CPNE4: variants seen among roughly 807,000 people sequenced by gnomAD.
CPNE4 encodes copine-4.
Under a neutral mutation model 67.9 loss-of-function variants are expected in CPNE4, and 25 were observed. The observed-to-expected ratio is 0.37, with a 90% CI of 0.27 to 0.51. The LOEUF (loss-of-function observed/expected upper bound fraction) is 0.51, where lower values mean the gene tolerates loss of function less well. Ranked by LOEUF, CPNE4 falls within the 20% of genes least tolerant of loss-of-function variation. The pLI, the probability that CPNE4 is intolerant of heterozygous loss-of-function variation, is 0.93. For missense variants in CPNE4, 464 were observed against 690.8 expected (o/e 0.67, Z 3.68); for synonymous variants, 242 against 244.9 (o/e 0.99, Z 0.11).
intron 1 of CPNE4, among the ~76,000 whole-genome samples, chr3:131,922,493 G>A (rs1348124567): frequency 6.6e-6 from 1 of 152,150 alleles, no homozygotes; most frequent in African/African-American, 2.4e-5. Flanking sequence ...AATTTGGAGA[G>A]GCTAAGAAAA....
chr3:131,872,942 C>T (rs1050423297), intron 2 of CPNE4, among the ~76,000 whole-genome samples: 1 of 150,898 alleles, frequency 6.6e-6, no homozygotes, highest in Non-Finnish European at 1.5e-5. Context: ...CCTTTATGTG[C>T]CCTGTCTTAA....
At chr3:131,615,944 C>G (rs1030706971) in intron 7 of CPNE4, among the ~76,000 whole-genome samples, 1 of 135,164 alleles carries the variant, frequency 7.4e-6, no homozygotes, top group Non-Finnish European at 1.6e-5. Flanking sequence ...CACACACACA[C>G]ACACACAAAA....
At chr3:131,784,340 G>A (rs569504723) in intron 2 of CPNE4, among the ~76,000 whole-genome samples, 1 of 151,994 alleles carries the variant, frequency 6.6e-6, no homozygotes, top group African/African-American at 2.4e-5. Context: ...TCCTGCACTG[G>A]TACCTAATAT....
In CPNE4 at chr3:131,751,771, T is replaced by TTG. The variant is rs540786665; in HGVS notation, c.181-28147_181-28146insCA. On this transcript the variant is annotated intron_variant, in intron 2 of 15. Coordinates refer to ENST00000429747, the MANE Select transcript of CPNE4 (RefSeq NM_130808.3). ...TAAATCTTCTGTTTAGCTGTTTTTT[T>TTG]TTTGTTTTTTTGTTTGTTTGTTTGT... Among the ~76,000 whole-genome samples, 183 of 136,692 alleles carry TTG rather than the reference T, an allele frequency of 1.3e-3. 1 individual carries two copies. The highest frequency in any genetic ancestry group is 3.9e-3 in the East Asian group (18 of 4,580). The allele number at this position is 136,692 out of a possible 152,430, so 89.7% of individuals were successfully genotyped here.
chr3:132,028,178 C>T (rs912614918), intron 1 of CPNE4, among the ~76,000 whole-genome samples: 2 of 152,188 alleles, frequency 1.3e-5, no homozygotes, highest in African/African-American at 4.8e-5. Flanking sequence ...GATGCCACCC[C>T]CTCCACTTCT....
chr3:131,692,810 T>G (rs547448691), intron 5 of CPNE4, among the ~76,000 whole-genome samples: 11 of 152,198 alleles, frequency 7.2e-5, no homozygotes, highest in Non-Finnish European at 1.3e-4. Context: ...CTATTACATA[T>G]GTGGAGACCA....
chr3:131,754,495 T>C (rs2082707910), intron 2 of CPNE4, among the ~76,000 whole-genome samples: 1 of 152,154 alleles, frequency 6.6e-6, no homozygotes, highest in African/African-American at 2.4e-5. Context: ...GTTAAAAATA[T>C]ACCTTAAGTC....
intron 11 of CPNE4, among the ~76,000 whole-genome samples, chr3:131,556,837 G>T (rs1403291281): frequency 6.6e-6 from 1 of 152,032 alleles, no homozygotes; most frequent in African/African-American, 2.4e-5. Context: ...TTGACAGGAT[G>T]GGGAAGAGAA....
At chr3:131,780,155 G>A (rs1036499480) in intron 2 of CPNE4, among the ~76,000 whole-genome samples, 9 of 152,064 alleles carry the variant, frequency 5.9e-5, no homozygotes, top group African/African-American at 2.2e-4. Flanking sequence ...AGTCAGAATA[G>A]CTATTATTAA....
chr3:131,723,759 C>A, intron 2 of CPNE4, 134 bp from the exon 3 acceptor site: 1 of 699,902 alleles, frequency 1.4e-6, no homozygotes, highest in Non-Finnish European at 2.4e-6. Flanking sequence ...GTGGGCAGTC[C>A]AAAAGTACAA....
intron 2 of CPNE4, among the ~76,000 whole-genome samples, chr3:131,741,521 G>T (rs1474152538): frequency 2.0e-5 from 3 of 152,120 alleles, no homozygotes; most frequent in Non-Finnish European, 4.4e-5. Context: ...GAGGGTTGGG[G>T]GCAAGGTATT....
intron 1 of CPNE4, among the ~76,000 whole-genome samples, chr3:132,024,860 C>T (rs2074083381): frequency 6.6e-6 from 1 of 152,100 alleles, no homozygotes; most frequent in African/African-American, 2.4e-5. Context: ...CCTTTCTTTA[C>T]CACTAATGCT....
chr3:131,696,432 C>A (rs1020567529), intron 5 of CPNE4, 110 bp downstream of exon 5: 1 of 936,952 alleles, frequency 1.1e-6, no homozygotes, highest in South Asian at 1.5e-5. Flanking sequence ...ATTTTTGGAT[C>A]TGTTTGATAA....
At chr3:131,779,957 C>G (rs1156926475) in intron 2 of CPNE4, among the ~76,000 whole-genome samples, 1 of 152,056 alleles carries the variant, frequency 6.6e-6, no homozygotes, top group Non-Finnish European at 1.5e-5. Context: ...GGTCTAATAT[C>G]CAGAATCTAT....
rs1185148229 is a variant in CPNE4 at position 132,001,605 on chromosome 3, AAGAAAG to A, written c.-2+32956_-2+32961del. On this transcript the variant is annotated intron_variant, in intron 1 of 15. Transcript: ENST00000429747. ...AAAGAAAGAAAGAAAGAAAGAAAGA[AAGAAAG>A]AAAGAAAATGAAGAGGAAGAGGAGA... Among the ~76,000 whole-genome samples the A allele has an allele frequency of 2.9e-3, 439 of 151,148 alleles. 6 individuals carry two copies. Among genetic ancestry groups the A allele is most frequent in the African/African-American group, 0.01 (419 of 40,976 alleles).
intron 2 of CPNE4, among the ~76,000 whole-genome samples, chr3:131,878,058 T>G (rs2087527032): frequency 6.6e-6 from 1 of 152,240 alleles, no homozygotes; most frequent in African/African-American, 2.4e-5. Flanking sequence ...ACAAACCTTG[T>G]AGAAAACTGT....
At chr3:131,979,305 G>C (rs1841537) in intron 1 of CPNE4, among the ~76,000 whole-genome samples, 45,036 of 152,048 alleles carry the variant, frequency 0.3, 7,053 homozygotes, top group Admixed American at 0.41. Context: ...CACTACTATT[G>C]TGTTGCTGTC....
At chr3:131,647,092 A>T (rs919997579) in intron 7 of CPNE4, among the ~76,000 whole-genome samples, 3 of 152,234 alleles carry the variant, frequency 2.0e-5, no homozygotes, top group African/African-American at 7.2e-5. Flanking sequence ...AATAGCTCCT[A>T]TCCACTGTCA....
chr3:131,715,214 A>T (rs1027964784), intron 3 of CPNE4, among the ~76,000 whole-genome samples: 2 of 152,190 alleles, frequency 1.3e-5, no homozygotes, highest in Non-Finnish European at 2.9e-5. Flanking sequence ...ACACACTGCC[A>T]TTTTTTAAGA....
Sources: allele counts gnomAD v4.1 joint callset (sites outside exome capture counted in the v4.1 genomes callset), GRCh38; gene constraint gnomAD v4.1.1; transcripts MANE v1.5; gene names NCBI Gene and HGNC (gene_info 2026-07-23, HGNC 2026-07-21).